The following C8A variants were observed in gnomAD, a reference collection of about 807,000 sequenced individuals.
C8A encodes complement component C8 alpha chain.
A neutral mutation model predicts 65.3 loss-of-function variants in C8A; 67 were observed. The observed-to-expected ratio is 1.03, with a 90% CI of 0.84 to 1.26. The LOEUF (loss-of-function observed/expected upper bound fraction) is 1.26, where lower values mean the gene tolerates loss of function less well. Ranked by LOEUF, C8A falls within the 50% of genes most tolerant of loss-of-function variation. The pLI, the probability that C8A is intolerant of heterozygous loss-of-function variation, is 0.00. For missense variants in C8A, 781 were observed against 723.9 expected (o/e 1.08, Z -0.90); for synonymous variants, 290 against 259.4 (o/e 1.12, Z -1.13).
chr1:56,892,218 G>A (rs537035461), intron 7 of C8A, among the ~76,000 whole-genome samples: 3 of 152,066 alleles, frequency 2.0e-5, no homozygotes, highest in East Asian at 2.0e-4. Context: ...CCCTTCAAGC[G>A]TTTCTTCCTG....
chr1:56,917,871 T>G lies in C8A; in HGVS notation c.*155T>G. ...AGGCCTAAGACTAGGTTTTGCTGTC[T>G]ACAGCCAACTATTCTATTAGTTACA... On this transcript the variant is annotated 3_prime_UTR_variant, in exon 11 of 11. Coordinates refer to ENST00000361249, the MANE Select transcript of C8A (RefSeq NM_000562.3). The G allele has an allele frequency of 1.3e-6, 1 of 785,836 alleles. No homozygotes were observed. Among genetic ancestry groups the G allele is most frequent in the Non-Finnish European group, 2.1e-6 (1 of 485,338 alleles). 48.7% of individuals were successfully genotyped at this position (785,836 alleles called of 1,614,324 possible).
At position 56,912,599 on chromosome 1, in the gene C8A, C is replaced by T. The variant is rs1184561293; in HGVS notation, c.1577C>T (p.Ala526Val). 1 of 1,614,220 alleles carries T rather than the reference C, an allele frequency of 6.2e-7. No individual in the cohort carries two copies. Residue 526 changes from alanine to valine, a missense_variant, in exon 10 of 11, where the codon GCT becomes GTT. By Grantham distance (64) the Ala-to-Val change is moderately conservative. Coordinates refer to ENST00000361249, the MANE Select transcript of C8A (RefSeq NM_000562.3). ...RCQCRLGSLG[A>V]ACEQTQTEGA... ...CAGTGCCGCCTGGGTAGCTTGGGTG[C>T]TGCCTGTGAGCAAACACAGACAGAA...
chr1:56,911,370 C>A (rs1291562373), intron 9 of C8A, among the ~76,000 whole-genome samples: 1 of 152,124 alleles, frequency 6.6e-6, no homozygotes, highest in Non-Finnish European at 1.5e-5. Context: ...ACTGTTCTCC[C>A]TTTACAGATG....
Position 56,886,168 on chromosome 1 carries a change from G to A in C8A, c.1096+1G>A, listed in dbSNP as rs1253199900. The A allele has an allele frequency of 1.4e-5, 22 of 1,613,766 alleles. No homozygotes were observed. Among genetic ancestry groups the A allele is most frequent in the Non-Finnish European group, 1.9e-5 (22 of 1,179,892 alleles). ...GACAAAGCAAAAATGGAATCCCTTG[G>A]TAAGTAAAGCAGAAGCTCTATGTAC... On this transcript the variant is annotated splice_donor_variant, in intron 7 of 10. Coordinates refer to ENST00000361249, the MANE Select transcript of C8A (RefSeq NM_000562.3). LOFTEE classifies it high-confidence loss of function.
chr1:56,855,369 G>A (rs141439190), intron 1 of C8A, among the ~76,000 whole-genome samples: 6 of 152,230 alleles, frequency 3.9e-5, no homozygotes, highest in African/African-American at 1.4e-4. Flanking sequence ...CCTGAGTGGT[G>A]CTGAACAGTT....
chr1:56,908,053 C>G lies in C8A; in HGVS notation c.1320C>G (p.Thr440=). The part of the protein sequence containing the change: ...WSGGLAQNRS[T]ITYRSWGRSL... ...GTGGCTTGGCACAGAACAGGAGCAC[C>G]ATTACATACCGTTCCTGGGGGAGGT... Residue 440 remains threonine, a synonymous_variant, in exon 9 of 11, where the codon ACC becomes ACG. Transcript: ENST00000361249. The G allele has an allele frequency of 6.2e-7, 1 of 1,614,112 alleles. No homozygotes were observed. The highest frequency in any genetic ancestry group is 1.1e-5 in the South Asian group (1 of 91,072).
rs11325537 is a variant in C8A at position 56,883,910 on chromosome 1, G to GC, written c.855+237dup. On this transcript the variant is annotated intron_variant, in intron 6 of 10. Coordinates refer to ENST00000361249, the MANE Select transcript of C8A (RefSeq NM_000562.3). ...ATAAGACTAGGACTCTTATCACTTT[G>GC]CCCCCCCCATCATCATTTTTTATGG... Among the ~76,000 whole-genome samples the GC allele has an allele frequency of 2.4e-3, 369 of 151,068 alleles. 1 individual carries two copies. Among genetic ancestry groups the GC allele is most frequent in the African/African-American group, 7.9e-3 (323 of 41,122 alleles).
intron 1 of C8A, among the ~76,000 whole-genome samples, chr1:56,856,060 T>C (rs1411600112): frequency 1.3e-5 from 2 of 152,094 alleles, no homozygotes; most frequent in African/African-American, 2.4e-5. Flanking sequence ...TGATGTTTGA[T>C]GAACTTATCA....
chr1:56,871,303 C>T (rs968627872), intron 2 of C8A, among the ~76,000 whole-genome samples: 1 of 152,216 alleles, frequency 6.6e-6, no homozygotes, highest in Non-Finnish European at 1.5e-5. Flanking sequence ...GGTCAGTTGA[C>T]TCCAAAAAGC....
intron 1 of C8A, among the ~76,000 whole-genome samples, chr1:56,856,537 A>G (rs1557693862): frequency 1.3e-5 from 2 of 152,108 alleles, no homozygotes; most frequent in Non-Finnish European, 2.9e-5. Flanking sequence ...GATCTTTCTG[A>G]TCAGTCAGAG....
chr1:56,865,667 C>A (rs1032540335), intron 1 of C8A, among the ~76,000 whole-genome samples: 3 of 152,056 alleles, frequency 2.0e-5, no homozygotes, highest in Non-Finnish European at 2.9e-5. Flanking sequence ...AGATATTTGG[C>A]ATGCATTGTA....
At chr1:56,916,798 G>A (rs1339946758) in intron 10 of C8A, among the ~76,000 whole-genome samples, 1 of 141,182 alleles carries the variant, frequency 7.1e-6, no homozygotes, top group African/African-American at 2.8e-5. Flanking sequence ...AAACTCAGGC[G>A]GAGCCCCAGG....
At chr1:56,915,504 C>A (rs1644543757) in intron 10 of C8A, among the ~76,000 whole-genome samples, 1 of 152,188 alleles carries the variant, frequency 6.6e-6, no homozygotes, top group Non-Finnish European at 1.5e-5. Flanking sequence ...ACTTCCCAAG[C>A]AGGGTATGGA....
intron 7 of C8A, among the ~76,000 whole-genome samples, chr1:56,896,325 G>A (rs1048140485): frequency 1.3e-5 from 2 of 152,122 alleles, no homozygotes; most frequent in African/African-American, 4.8e-5. Flanking sequence ...ACCCAGGAGG[G>A]CTGATGCTTT....
At chr1:56,904,109 T>C (rs888522533) in intron 7 of C8A, among the ~76,000 whole-genome samples, 1 of 152,182 alleles carries the variant, frequency 6.6e-6, no homozygotes. Flanking sequence ...CTTTCTCTGT[T>C]CCTTTCACCC....
chr1:56,872,917 G>T (rs1010976414), intron 2 of C8A, among the ~76,000 whole-genome samples: 3 of 152,038 alleles, frequency 2.0e-5, no homozygotes, highest in Non-Finnish European at 4.4e-5. Context: ...AAGAAAGAAA[G>T]AAAATTGGCT....
chr1:56,875,958 C>G (rs1570323664), intron 3 of C8A, 104 bp from the exon 4 acceptor site: 3 of 1,433,956 alleles, frequency 2.1e-6, no homozygotes, highest in South Asian at 2.5e-5. Context: ...GAGAATGGGA[C>G]AGATGGGAGG....
At chr1:56,858,231 G>T (rs1022751661) in intron 1 of C8A, among the ~76,000 whole-genome samples, 1 of 152,110 alleles carries the variant, frequency 6.6e-6, no homozygotes, top group African/African-American at 2.4e-5. Context: ...GAAGGATTTA[G>T]TATCTAGCTT....
rs938076028 is a variant in C8A at position 56,886,109 on chromosome 1, C to A, written c.1038C>A (p.Ser346=). ...GCACCCATTACATCACATCTGGATC[C>A]ATGGGTGGCATTTATGAATATATCC... is the stretch of plus-strand genomic sequence containing the variant. ...DYGTHYITSG[S]MGGIYEYILV... is the part of the protein sequence containing the mutation. Residue 346 remains serine (S), a synonymous_variant, in exon 7 of 11, where the codon TCC becomes TCA. Coordinates refer to ENST00000361249, the MANE Select transcript of C8A (RefSeq NM_000562.3). The A allele has an allele frequency of 1.9e-6, 3 of 1,613,850 alleles. No individual in the cohort carries two copies. In the African/African-American group the frequency reaches 4.0e-5, roughly 22 times the overall value.
Sources: gnomAD v4.1 joint callset for allele counts (sites outside exome capture counted in the v4.1 genomes callset) on GRCh38, gnomAD v4.1.1 for gene constraint, MANE v1.5 for transcripts, NCBI Gene and HGNC (gene_info 2026-07-23, HGNC 2026-07-21) for gene names.